The following TDRD3 variants were observed in gnomAD, a reference collection of about 807,000 sequenced individuals.
The protein encoded by TDRD3 is tudor domain containing 3, also known as tudor domain-containing protein 3.
TDRD3 carries 45 observed loss-of-function variants against 86.7 expected under a neutral mutation model. That is an observed-to-expected ratio of 0.52 (90% CI 0.41 to 0.67). The LOEUF (loss-of-function observed/expected upper bound fraction) is 0.67. Ranked by LOEUF, TDRD3 falls within the 30% of genes least tolerant of loss-of-function variation. TDRD3 has a pLI of 0.00. For missense variants in TDRD3, 814 were observed against 889.0 expected (o/e 0.92, Z 1.07); for synonymous variants, 298 against 301.7 (o/e 0.99, Z 0.13).
At chr13:60,419,772 A>G (rs1193173418) in intron 1 of TDRD3, among the ~76,000 whole-genome samples, 1 of 152,160 alleles carries the variant, frequency 6.6e-6, no homozygotes, top group Non-Finnish European at 1.5e-5. Context: ...CACATTCTGC[A>G]CATGTATCCC....
intron 10 of TDRD3, among the ~76,000 whole-genome samples, chr13:60,525,323 G>A (rs1326096577): frequency 7.3e-5 from 11 of 150,504 alleles, no homozygotes; most frequent in South Asian, 4.2e-4. Context: ...ACAGGGCCGC[G>A]CCACCAAGCC....
rs146013847 is a variant in TDRD3 at position 60,543,456 on chromosome 13, A to G, written c.2118+8223A>G. On this transcript the variant is annotated intron_variant, in intron 12 of 13. Coordinates refer to ENST00000377881, the MANE Select transcript of TDRD3 (RefSeq NM_001146070.2). Reference sequence around the variant, plus strand: ...TATTTTAAATCTCCAAGAGAGATATATAATGTATGTGTTTCACGAAGTTAT... The same window carrying G: ...TATTTTAAATCTCCAAGAGAGATATGTAATGTATGTGTTTCACGAAGTTAT... Among the ~76,000 whole-genome samples the G allele has an allele frequency of 3.3e-3, 504 of 152,310 alleles. 3 individuals carry two copies. Among genetic ancestry groups the G allele is most frequent in the African/African-American group, 0.011 (476 of 41,572 alleles).
At chr13:60,420,058 GATT>G (rs1954617126) in intron 1 of TDRD3, among the ~76,000 whole-genome samples, 1 of 151,636 alleles carries the variant, frequency 6.6e-6, no homozygotes, top group Admixed American at 6.6e-5. Context: ...AGATATACTA[GATT>G]ATTAATATTA....
intron 7 of TDRD3, among the ~76,000 whole-genome samples, chr13:60,490,946 C>T (rs200999475): frequency 6.6e-5 from 10 of 151,822 alleles, no homozygotes; most frequent in East Asian, 2.0e-4. Flanking sequence ...GGAGAAACCC[C>T]GTCTCTACTA....
At chr13:60,561,496 A>G (rs943074569) in intron 12 of TDRD3, among the ~76,000 whole-genome samples, 3 of 152,336 alleles carry the variant, frequency 2.0e-5, no homozygotes, top group Non-Finnish European at 1.5e-5. Context: ...CTGCTCACAA[A>G]TATGTAAAAA....
chr13:60,473,872 G>T (rs1775850784), intron 5 of TDRD3, among the ~76,000 whole-genome samples: 1 of 152,176 alleles, frequency 6.6e-6, no homozygotes, highest in South Asian at 2.1e-4. Context: ...CCTAGCGGTA[G>T]CGTCAGTACC....
intron 10 of TDRD3, among the ~76,000 whole-genome samples, chr13:60,518,703 T>C (rs1208525295): frequency 1.3e-5 from 2 of 152,228 alleles, no homozygotes; most frequent in African/African-American, 4.8e-5. Context: ...TAAATTATGC[T>C]TAATGCATTA....
intron 1 of TDRD3, among the ~76,000 whole-genome samples, chr13:60,429,224 G>A (rs1213657200): frequency 6.6e-6 from 1 of 151,904 alleles, no homozygotes; most frequent in Non-Finnish European, 1.5e-5. Flanking sequence ...CTTTTTATAT[G>A]CCTCTTTCAT....
intron 10 of TDRD3, among the ~76,000 whole-genome samples, chr13:60,516,787 T>C (rs1416936065): frequency 2.6e-5 from 4 of 152,204 alleles, no homozygotes; most frequent in African/African-American, 9.7e-5. Context: ...CATTTCCACC[T>C]TCACTGCCCT....
chr13:60,504,672 C>T (rs529117059), intron 8 of TDRD3, among the ~76,000 whole-genome samples: 38 of 152,276 alleles, frequency 2.5e-4, no homozygotes, highest in Middle Eastern at 6.8e-3. Context: ...GGAACAGCTC[C>T]GGCCTGCAGC....
At chr13:60,513,826 C>G (rs1035872862) in intron 10 of TDRD3, among the ~76,000 whole-genome samples, 19 of 152,158 alleles carry the variant, frequency 1.2e-4, no homozygotes, top group Admixed American at 1.1e-3. Context: ...ACTATAAGTC[C>G]CATAAACTCT....
chr13:60,443,076 C>T (rs140167492), intron 2 of TDRD3, among the ~76,000 whole-genome samples: 186 of 151,882 alleles, frequency 1.2e-3, no homozygotes, highest in African/African-American at 4.2e-3. Context: ...CTGTTAGTTA[C>T]ATTATTGATA....
intron 12 of TDRD3, 198 bp downstream of exon 12, chr13:60,535,431 T>A: frequency 2.2e-6 from 1 of 463,996 alleles, no homozygotes; most frequent in Non-Finnish European, 3.3e-6. Context: ...ATTGAATTAC[T>A]TTTCTTGTAT....
chr13:60,444,173 A>G (rs1474282537), intron 2 of TDRD3, among the ~76,000 whole-genome samples: 1 of 151,954 alleles, frequency 6.6e-6, no homozygotes, highest in Admixed American at 6.6e-5. Context: ...AGTAAAGGTT[A>G]CTATAACTTC....
upstream of TDRD3, among the ~76,000 whole-genome samples, chr13:60,395,877 C>G (rs1380265970): frequency 6.6e-6 from 1 of 152,204 alleles, no homozygotes; most frequent in Non-Finnish European, 1.5e-5. Context: ...TTGCAGCGAA[C>G]AGGATGGAGC....
intron 1 of TDRD3, among the ~76,000 whole-genome samples, chr13:60,407,142 T>C (rs996574979): frequency 1.3e-5 from 2 of 152,248 alleles, no homozygotes; most frequent in African/African-American, 2.4e-5. Context: ...TAGGGACATA[T>C]GTTAAGTTTA....
At chr13:60,420,602 TA>T (rs532471305) in intron 1 of TDRD3, among the ~76,000 whole-genome samples, 3 of 151,712 alleles carry the variant, frequency 2.0e-5, no homozygotes, top group Non-Finnish European at 4.4e-5. Flanking sequence ...GTGACATTTG[TA>T]AAAAAAAATT....
At chr13:60,444,783 T>C in intron 3 of TDRD3, 35 bp downstream of exon 3, 1 of 1,212,210 alleles carries the variant, frequency 8.2e-7, no homozygotes, top group Non-Finnish European at 1.1e-6. Flanking sequence ...CATTAATTAA[T>C]TTAGTTACAA....
upstream of TDRD3, chr13:60,396,815 T>C (rs1308696817): frequency 6.6e-6 from 1 of 152,240 alleles, no homozygotes; most frequent in African/African-American, 2.4e-5. Flanking sequence ...TAAACTTTTG[T>C]GCAGAATGGG....
Sources: allele counts gnomAD v4.1 joint callset (sites outside exome capture counted in the v4.1 genomes callset), GRCh38; gene constraint gnomAD v4.1.1; transcripts MANE v1.5; gene names NCBI Gene and HGNC (gene_info 2026-07-23, HGNC 2026-07-21).